The following CHSY3 variants were observed in gnomAD, a reference collection of about 807,000 sequenced individuals.
CHSY3 encodes the protein chondroitin sulfate synthase 3, also known as N-acetylgalactosaminyl-proteoglycan 3-beta-glucuronosyltransferase 3.
A neutral mutation model predicts 67.2 loss-of-function variants in CHSY3; 35 were observed. The ratio of observed to expected loss-of-function variants is 0.52; its 90% CI spans 0.40 to 0.69. The LOEUF (loss-of-function observed/expected upper bound fraction) is 0.69. Ranked by LOEUF, CHSY3 falls within the 30% of genes least tolerant of loss-of-function variation. The probability of loss-of-function intolerance (pLI) is 0.00; values close to 1 mark genes in which losing one functional copy is unlikely to be tolerated. For missense variants in CHSY3, 1,069 were observed against 1,138.5 expected, an observed-to-expected ratio of 0.94 and a Z score of 0.88; for synonymous variants, 474 against 434.7, an observed-to-expected ratio of 1.09 and a Z score of -1.12.
At chr5:129,963,320 G>A (rs1180130614) in intron 2 of CHSY3, among the ~76,000 whole-genome samples, 1 of 152,020 alleles carries the variant, frequency 6.6e-6, no homozygotes, top group Non-Finnish European at 1.5e-5. Flanking sequence ...GTAGGCATGA[G>A]AAACATTTTT....
rs942487401 is a variant in CHSY3, at chr5:130,176,949, T to G, written c.1087-7280T>G. 3.3e-5 allele frequency among the ~76,000 whole-genome samples: 5 copies of G among 152,184 alleles called. No homozygotes were observed. In the South Asian group the frequency reaches 1.0e-3, roughly 32 times the overall value. ...GGCACGTGTATACCTATGTAACATG[T>G]ATCTGCACATGTATCCCAGAACTTA... On this transcript the variant is annotated intron_variant, in intron 2 of 2. Coordinates refer to ENST00000305031, the MANE Select transcript of CHSY3 (RefSeq NM_175856.5).
chr5:129,919,994 C>T (rs989227125), intron 2 of CHSY3, among the ~76,000 whole-genome samples: 1 of 151,952 alleles, frequency 6.6e-6, no homozygotes, highest in Non-Finnish European at 1.5e-5. Context: ...TTGAAATGTA[C>T]AGTATTCAAT....
intron 2 of CHSY3, among the ~76,000 whole-genome samples, chr5:130,109,556 A>T (rs754966002): frequency 8.6e-5 from 13 of 151,708 alleles, no homozygotes; most frequent in Non-Finnish European, 1.8e-4. Flanking sequence ...TTAGGCTTAA[A>T]TTTTTTCTCA....
chr5:130,067,074 A>G (rs1396939855), intron 2 of CHSY3, among the ~76,000 whole-genome samples: 1 of 152,132 alleles, frequency 6.6e-6, no homozygotes, highest in Non-Finnish European at 1.5e-5. Flanking sequence ...ACACAGTTTT[A>G]CTAAAAAATC....
chr5:130,070,414 G>C (rs1766021230), intron 2 of CHSY3, among the ~76,000 whole-genome samples: 1 of 152,084 alleles, frequency 6.6e-6, no homozygotes, highest in Non-Finnish European at 1.5e-5. Flanking sequence ...TTAGGACACA[G>C]TGATTGAAAG....
intron 2 of CHSY3, among the ~76,000 whole-genome samples, chr5:130,060,305 A>G (rs1765670179): frequency 6.6e-6 from 1 of 152,198 alleles, no homozygotes; most frequent in African/African-American, 2.4e-5. Flanking sequence ...CAGCCGTACA[A>G]ACAAAAACCA....
At chr5:130,054,513 T>C (rs77083345) in intron 2 of CHSY3, among the ~76,000 whole-genome samples, 1 of 152,262 alleles carries the variant, frequency 6.6e-6, no homozygotes, top group African/African-American at 2.4e-5. Flanking sequence ...TGGCCTCTGA[T>C]GAAATTCCTG....
chr5:130,173,344 A>T (rs1769951402), intron 2 of CHSY3, among the ~76,000 whole-genome samples: 1 of 152,202 alleles, frequency 6.6e-6, no homozygotes, highest in Non-Finnish European at 1.5e-5. Flanking sequence ...AGTTGTAAAA[A>T]AAAATACCCA....
At chr5:129,981,050 CAA>C (rs71000945) in intron 2 of CHSY3, among the ~76,000 whole-genome samples, 3,505 of 130,856 alleles carry the variant, frequency 0.027, 49 homozygotes, top group African/African-American at 0.047. Flanking sequence ...ACTGAAAATA[CAA>C]AAAAAAAAAA....
chr5:129,962,953 C>T (rs142405014), intron 2 of CHSY3, among the ~76,000 whole-genome samples: 4 of 151,972 alleles, frequency 2.6e-5, no homozygotes, highest in Non-Finnish European at 4.4e-5. Context: ...GGGGTCTTTG[C>T]GGGTTATGTT....
chr5:129,922,887 G>T (rs778879264), intron 2 of CHSY3, among the ~76,000 whole-genome samples: 1 of 152,164 alleles, frequency 6.6e-6, no homozygotes, highest in Non-Finnish European at 1.5e-5. Context: ...CCCATGCATA[G>T]TATTGTTGAA....
intron 2 of CHSY3, among the ~76,000 whole-genome samples, chr5:129,963,956 A>C (rs1159805733): frequency 6.6e-6 from 1 of 151,854 alleles, no homozygotes; most frequent in Non-Finnish European, 1.5e-5. Flanking sequence ...CCTGTAATTC[A>C]CTTGGGATAA....
chr5:129,951,798 T>A (rs1368742605), intron 2 of CHSY3, among the ~76,000 whole-genome samples: 1 of 152,250 alleles, frequency 6.6e-6, no homozygotes, highest in Non-Finnish European at 1.5e-5. Context: ...GATATCCAGA[T>A]ATGAATTGAA....
chr5:130,116,452 T>C (rs1367793923), intron 2 of CHSY3, among the ~76,000 whole-genome samples: 1 of 152,226 alleles, frequency 6.6e-6, no homozygotes, highest in Non-Finnish European at 1.5e-5. Context: ...ATACAATAAT[T>C]CAGATGAATC....
At chr5:129,970,009 G>A (rs1033449139) in intron 2 of CHSY3, among the ~76,000 whole-genome samples, 1 of 151,638 alleles carries the variant, frequency 6.6e-6, no homozygotes, top group African/African-American at 2.4e-5. Context: ...CTTGCCACAT[G>A]CTGTCCCTGC....
chr5:130,025,518 T>A (rs1427457516), intron 2 of CHSY3, among the ~76,000 whole-genome samples: 2 of 152,038 alleles, frequency 1.3e-5, no homozygotes, highest in African/African-American at 4.8e-5. Flanking sequence ...ACAGTGATAT[T>A]GTCTTAGTCT....
intron 2 of CHSY3, among the ~76,000 whole-genome samples, chr5:130,131,329 T>C (rs1768477841): frequency 6.6e-6 from 1 of 152,124 alleles, no homozygotes; most frequent in Non-Finnish European, 1.5e-5. Flanking sequence ...ACTTGGGCCT[T>C]CTGCAGTAGC....
At chr5:130,054,744 T>A (rs575675997) in intron 2 of CHSY3, among the ~76,000 whole-genome samples, 2 of 152,352 alleles carry the variant, frequency 1.3e-5, no homozygotes, top group South Asian at 4.1e-4. Flanking sequence ...AGTGTTTTAG[T>A]ATTAATAAAT....
chr5:129,922,398 G>C (rs1215680033), intron 2 of CHSY3, among the ~76,000 whole-genome samples: 1 of 152,152 alleles, frequency 6.6e-6, no homozygotes, highest in African/African-American at 2.4e-5. Flanking sequence ...TTTATTTTGG[G>C]GGGAGCCCCC....
Sources: allele counts gnomAD v4.1 joint callset (sites outside exome capture counted in the v4.1 genomes callset), GRCh38; gene constraint gnomAD v4.1.1; transcripts MANE v1.5; gene names NCBI Gene and HGNC (gene_info 2026-07-23, HGNC 2026-07-21).